The following TENM1 variants were observed in gnomAD, a reference collection of about 807,000 sequenced individuals.
TENM1 encodes the protein teneurin transmembrane protein 1.
TENM1 carries 35 observed loss-of-function variants against 174.8 expected under a neutral mutation model. That is an observed-to-expected ratio of 0.20 (90% CI 0.15 to 0.27). The LOEUF (loss-of-function observed/expected upper bound fraction) is 0.27. TENM1 is among the 10% of genes least tolerant of loss of function. The pLI, the probability that TENM1 is intolerant of heterozygous loss-of-function variation, is 1.00. For synonymous variants in TENM1, 781 were observed against 798.7 expected (o/e 0.98, Z 0.37); for missense variants, 1,633 against 2,130.1 (o/e 0.77, Z 4.59).
At position 124,653,799 on chromosome X, in the gene TENM1, G is replaced by C. The variant is rs1482599125; in HGVS notation, c.1169-16C>G. 2 of 1,162,994 alleles carry C rather than the reference G, an allele frequency of 1.7e-6. No homozygotes were observed. The highest frequency in any genetic ancestry group is 2.3e-6 in the Non-Finnish European group (2 of 854,696). ...TTCTGAAACACTAGTTTTAAAGGTA[G>C]AGAAAATTACACACCATGTTAATCT... is the stretch of plus-strand genomic sequence containing the variant. On this transcript the variant is annotated splice_polypyrimidine_tract_variant and intron_variant, in intron 6 of 31. Coordinates refer to ENST00000422452, the Ensembl canonical transcript of TENM1.
At chrX:124,590,747 A>C (rs115311994) in intron 11 of TENM1, among the ~76,000 whole-genome samples, 1,243 of 112,065 alleles carry the variant, frequency 0.011, 14 homozygotes, top group African/African-American at 0.037. Flanking sequence ...GATGTCTACT[A>C]GGTCCAATTG....
Position 124,624,418 on chromosome X carries a change from C to T in TENM1, c.2077+17373G>A, listed in dbSNP as rs189007481. ...ATATCCAATTTATGAATCATACTTCCGATGTTAAGATTCACTATGTACTTA... is the reference window on the plus strand; with the variant it reads ...ATATCCAATTTATGAATCATACTTCTGATGTTAAGATTCACTATGTACTTA... On this transcript the variant is annotated intron_variant, in intron 11 of 31. Transcript: ENST00000422452. Among the ~76,000 whole-genome samples, 686 of 111,144 alleles carry T rather than the reference C, an allele frequency of 6.2e-3. 6 individuals carry two copies. Among genetic ancestry groups the T allele is most frequent in the Middle Eastern group, 0.023 (5 of 216 alleles).
intron 4 of TENM1, among the ~76,000 whole-genome samples, chrX:124,731,887 T>G (rs1181745174): frequency 3.6e-5 from 4 of 111,865 alleles, no homozygotes; most frequent in Non-Finnish European, 5.6e-5. Context: ...AGTAAAAGAA[T>G]GTTGCCTAAT....
intron 25 of TENM1, among the ~76,000 whole-genome samples, chrX:124,407,157 T>C (rs748971685): frequency 1.0e-4 from 11 of 108,606 alleles, no homozygotes; most frequent in Non-Finnish European, 1.5e-4. Context: ...CAAAAAATAA[T>C]TACCTGGGAT....
At chrX:124,802,995 A>G (rs2055495994) in intron 3 of TENM1, among the ~76,000 whole-genome samples, 1 of 112,103 alleles carries the variant, frequency 8.9e-6, no homozygotes, top group African/African-American at 3.2e-5. Context: ...ATTTTTAAAG[A>G]GGCAAAAATA....
Position 124,809,400 on chromosome X carries a change from C to A in TENM1, c.536-72203G>T, listed in dbSNP as rs943415409. Among the ~76,000 whole-genome samples the A allele has an allele frequency of 7.2e-5, 8 of 111,198 alleles. No homozygotes were observed. In the Admixed American group the frequency reaches 7.7e-4, roughly 11 times the overall value. ...CAAAAAAGAAAACTACAGACCAATA[C>A]TCCAGGTGAACACAGATGCAAAAAT... On this transcript the variant is annotated intron_variant, in intron 3 of 31. Coordinates refer to ENST00000422452, the Ensembl canonical transcript of TENM1.
At chrX:125,046,185 A>G in the TENM1 span, among the ~76,000 whole-genome samples, 1 of 112,008 alleles carries the variant, frequency 8.9e-6, no homozygotes, top group Non-Finnish European at 1.9e-5. Flanking sequence ...ACTACATACA[A>G]ATATATTACC....
At chrX:124,721,611 C>T (rs1440026859) in intron 4 of TENM1, among the ~76,000 whole-genome samples, 4 of 111,764 alleles carry the variant, frequency 3.6e-5, no homozygotes, top group African/African-American at 6.5e-5. Flanking sequence ...AAAGAGATGG[C>T]GTGGAGTTCT....
chrX:125,132,061 T>A, the TENM1 span, among the ~76,000 whole-genome samples: 1 of 112,275 alleles, frequency 8.9e-6, no homozygotes, highest in Non-Finnish European at 1.9e-5. Context: ...ATTCCCTGTA[T>A]CCCACAGTTA....
chrX:125,116,622 CAT>C, the TENM1 span, among the ~76,000 whole-genome samples: 1 of 112,163 alleles, frequency 8.9e-6, no homozygotes, highest in African/African-American at 3.2e-5. Context: ...GGCCAACAAA[CAT>C]ATGAAAAAAA....
In TENM1 at chrX:124,876,671, C is replaced by T. The variant is rs141570340; in HGVS notation, c.535+17625G>A. Among the ~76,000 whole-genome samples the T allele has an allele frequency of 7.1e-4, 80 of 111,903 alleles. 1 individual carries two copies. In the East Asian group the frequency reaches 0.016, roughly 22 times the overall value. On this transcript the variant is annotated intron_variant, in intron 3 of 31. Transcript: ENST00000422452. Reference sequence around the variant, plus strand: ...TTTTGCCTGTGACACTGCCTAATTACGCTACTTCTTTTGGTTTAAGTAGTT... The same window carrying T: ...TTTTGCCTGTGACACTGCCTAATTATGCTACTTCTTTTGGTTTAAGTAGTT...
At chrX:124,793,837 C>G (rs1467280433) in intron 3 of TENM1, among the ~76,000 whole-genome samples, 2 of 110,383 alleles carry the variant, frequency 1.8e-5, no homozygotes, top group Non-Finnish European at 3.8e-5. Context: ...TAGTAGCAGA[C>G]CCGGCTCTCT....
intron 8 of TENM1, among the ~76,000 whole-genome samples, chrX:124,651,142 C>T (rs1379307917): frequency 1.8e-5 from 2 of 111,714 alleles, no homozygotes; most frequent in Non-Finnish European, 3.8e-5. Context: ...GGAAAATTCA[C>T]ACAATACGAT....
the TENM1 span, among the ~76,000 whole-genome samples, chrX:125,107,858 T>A: frequency 8.9e-6 from 1 of 112,044 alleles, no homozygotes; most frequent in Admixed American, 9.5e-5. Flanking sequence ...CTTCTAACTT[T>A]ATACATTCCC....
At chrX:124,896,330 C>A in intron 1 of TENM1, 89 bp from the exon 5 acceptor site, 1 of 977,288 alleles carries the variant, frequency 1.0e-6, no homozygotes, top group African/African-American at 1.9e-5. Flanking sequence ...TCCCCTCTCC[C>A]CCATTGGTAG....
the TENM1 span, among the ~76,000 whole-genome samples, chrX:125,167,683 G>C: frequency 5.0e-3 from 551 of 111,299 alleles, 5 homozygotes; most frequent in African/African-American, 0.017. Flanking sequence ...CCTCTATAAA[G>C]TGGGCACGGT....
intron 1 of TENM1, 121 bp downstream of exon 4, chrX:124,963,416 T>C: frequency 1.7e-6 from 1 of 583,467 alleles, no homozygotes; most frequent in Non-Finnish European, 2.7e-6. Flanking sequence ...TGAGCATATA[T>C]AAGCAGTGCG....
At chrX:124,441,511 C>T (rs1338707136) in intron 23 of TENM1, among the ~76,000 whole-genome samples, 1 of 112,221 alleles carries the variant, frequency 8.9e-6, no homozygotes, top group Non-Finnish European at 1.9e-5. Flanking sequence ...CCCTCTTTAT[C>T]TTGTAGGAAC....
the TENM1 span, among the ~76,000 whole-genome samples, chrX:125,030,538 C>T: frequency 1.8e-5 from 2 of 112,089 alleles, no homozygotes; most frequent in African/African-American, 6.5e-5. Flanking sequence ...AAGCTTATCC[C>T]TTCTTTTCCC....
Sources: gnomAD v4.1 joint callset for allele counts (sites outside exome capture counted in the v4.1 genomes callset) on GRCh38, gnomAD v4.1.1 for gene constraint, MANE v1.5 for transcripts, NCBI Gene and HGNC (gene_info 2026-07-23, HGNC 2026-07-21) for gene names.